The following RNF13 variants were observed in gnomAD, a reference collection of about 807,000 sequenced individuals.
RNF13 encodes ring finger protein 13, also known as E3 ubiquitin-protein ligase RNF13.
RNF13 carries 19 observed loss-of-function variants against 37.7 expected under a neutral mutation model. The ratio of observed to expected loss-of-function variants is 0.50; its 90% CI spans 0.35 to 0.74. RNF13 has a LOEUF of 0.74. Among genes scored for constraint, RNF13 ranks in the 30% least tolerant of loss-of-function variants. The probability of loss-of-function intolerance (pLI) is 0.01; values close to 1 mark genes in which losing one functional copy is unlikely to be tolerated. For synonymous variants in RNF13, 144 were observed against 157.8 expected (o/e 0.91, Z 0.65); for missense variants, 375 against 453.0 (o/e 0.83, Z 1.56).
chr3:149,818,842 C>T (rs922017441), intron 1 of RNF13, among the ~76,000 whole-genome samples: 14 of 151,948 alleles, frequency 9.2e-5, no homozygotes, highest in South Asian at 2.1e-4. Flanking sequence ...ACCTGGGAGG[C>T]GGAGGTTGCA....
intron 4 of RNF13, among the ~76,000 whole-genome samples, chr3:149,893,023 G>T (rs1241733012): frequency 2.0e-5 from 3 of 152,198 alleles, no homozygotes; most frequent in Non-Finnish European, 4.4e-5. Flanking sequence ...GACAAAGCCA[G>T]TTCTACACAG....
chr3:149,905,368 C>T (rs190026433), intron 6 of RNF13, among the ~76,000 whole-genome samples: 90 of 152,150 alleles, frequency 5.9e-4, no homozygotes, highest in African/African-American at 1.9e-3. Context: ...TATGCTTAAG[C>T]GCTACTTATA....
intron 9 of RNF13, among the ~76,000 whole-genome samples, chr3:149,960,427 T>TA (rs1390185790): frequency 3.3e-5 from 5 of 151,862 alleles, no homozygotes; most frequent in Admixed American, 1.3e-4. Flanking sequence ...CCGTCTCTAC[T>TA]AAAAATACAA....
chr3:149,864,379 T>C (rs1724588032), intron 3 of RNF13, among the ~76,000 whole-genome samples: 1 of 151,828 alleles, frequency 6.6e-6, no homozygotes, highest in Non-Finnish European at 1.5e-5. Flanking sequence ...ATGCCTTTTG[T>C]GTGTGTGTGT....
At chr3:149,900,729 T>G (rs149522837) in intron 5 of RNF13, among the ~76,000 whole-genome samples, 65 of 152,320 alleles carry the variant, frequency 4.3e-4, no homozygotes, top group African/African-American at 1.6e-3. Context: ...AAAATTTTAT[T>G]GATCATGTTG....
At chr3:149,851,740 A>G (rs1723137934) in intron 2 of RNF13, 1 of 152,186 alleles carries the variant, frequency 6.6e-6, no homozygotes, top group South Asian at 2.1e-4. Flanking sequence ...CTTGTTTACT[A>G]TCTATGAAAC....
intron 3 of RNF13, among the ~76,000 whole-genome samples, chr3:149,853,995 C>A (rs965734218): frequency 1.3e-4 from 20 of 151,966 alleles, no homozygotes; most frequent in African/African-American, 4.8e-4. Context: ...CCACCATGCC[C>A]GGCTAGTTTT....
intron 5 of RNF13, among the ~76,000 whole-genome samples, chr3:149,901,188 CT>C (rs1715796947): frequency 6.6e-6 from 1 of 151,984 alleles, no homozygotes. Context: ...GTTTTGTTTT[CT>C]TTTTCTTTAC....
At chr3:149,854,373 A>G (rs1258375279) in intron 3 of RNF13, among the ~76,000 whole-genome samples, 2 of 152,206 alleles carry the variant, frequency 1.3e-5, no homozygotes, top group Admixed American at 1.3e-4. Context: ...AAATATTATC[A>G]GTGATTTTAC....
Position 149,872,053 on chromosome 3 carries a change from G to T in RNF13, c.220G>T (p.Glu74Ter). The T allele has an allele frequency of 6.2e-7, 1 of 1,601,774 alleles. No individual in the cohort carries two copies. The highest frequency in any genetic ancestry group is 8.5e-7 in the Non-Finnish European group (1 of 1,176,654). The change falls in exon 4 of 10, where the codon GAG becomes TAG. Residue 74 changes from glutamate to a stop codon, truncating the protein, a stop_gained. Coordinates refer to ENST00000392894, the MANE Select transcript of RNF13 (RefSeq NM_183381.3). LOFTEE classifies it high-confidence loss of function. ...GGGTTTTTTGATTAACTCAAAACCAGAGAATGCCTGTGAACCCATAGTGCC... is the reference window on the plus strand; with the variant it reads ...GGGTTTTTTGATTAACTCAAAACCATAGAATGCCTGTGAACCCATAGTGCC... Reference protein sequence around the residue: ...LKGFLINSKPENACEPIVPPP... With the variant: ...LKGFLINSKP
intron 5 of RNF13, 153 bp downstream of exon 5, chr3:149,895,713 C>G: frequency 2.0e-6 from 1 of 494,128 alleles, no homozygotes; most frequent in Non-Finnish European, 3.7e-6. Flanking sequence ...TGATTTTATT[C>G]ATAGTAGAGA....
intron 3 of RNF13, among the ~76,000 whole-genome samples, chr3:149,854,370 A>C (rs1175922241): frequency 4.6e-5 from 7 of 152,218 alleles, no homozygotes; most frequent in Non-Finnish European, 7.3e-5. Flanking sequence ...GTTAAATATT[A>C]TCAGTGATTT....
At chr3:149,888,138 T>G (rs1268138188) in intron 4 of RNF13, among the ~76,000 whole-genome samples, 1 of 152,172 alleles carries the variant, frequency 6.6e-6, no homozygotes, top group Admixed American at 6.5e-5. Flanking sequence ...ATTTATTACT[T>G]TTTTCTACTT....
At chr3:149,862,050 T>C (rs1559913668) in intron 3 of RNF13, among the ~76,000 whole-genome samples, 1 of 152,150 alleles carries the variant, frequency 6.6e-6, no homozygotes, top group Non-Finnish European at 1.5e-5. Flanking sequence ...TATGCACTTA[T>C]ATGTGTTATT....
chr3:149,833,931 G>A (rs531045056), intron 1 of RNF13, among the ~76,000 whole-genome samples: 10 of 152,232 alleles, frequency 6.6e-5, no homozygotes, highest in Non-Finnish European at 1.2e-4. Flanking sequence ...AAAGTTGCAG[G>A]ATACAAAATC....
chr3:149,942,214 C>T (rs551834782), intron 8 of RNF13, among the ~76,000 whole-genome samples: 1 of 151,962 alleles, frequency 6.6e-6, no homozygotes. Flanking sequence ...TTTTACGATG[C>T]TTTTTTCTGT....
At chr3:149,949,602 C>T (rs1383003759) in intron 8 of RNF13, among the ~76,000 whole-genome samples, 1 of 151,816 alleles carries the variant, frequency 6.6e-6, no homozygotes, top group Non-Finnish European at 1.5e-5. Context: ...AGTTTCCAAC[C>T]ATTATTTCTT....
At chr3:149,911,071 A>T (rs1439209669) in intron 6 of RNF13, among the ~76,000 whole-genome samples, 1 of 152,154 alleles carries the variant, frequency 6.6e-6, no homozygotes, top group East Asian at 1.9e-4. Context: ...AAGGTGGGGG[A>T]TATACAGGAA....
intron 7 of RNF13, among the ~76,000 whole-genome samples, chr3:149,917,182 C>G (rs1035642354): frequency 2.0e-5 from 3 of 152,108 alleles, no homozygotes; most frequent in Non-Finnish European, 2.9e-5. Context: ...CTTGGTTCAG[C>G]TCCACCATCT....
Sources: allele counts gnomAD v4.1 joint callset (sites outside exome capture counted in the v4.1 genomes callset), GRCh38; gene constraint gnomAD v4.1.1; transcripts MANE v1.5; gene names NCBI Gene and HGNC (gene_info 2026-07-23, HGNC 2026-07-21).